Variants in MYRFL observed in about 807,000 individuals in gnomAD.
The protein encoded by MYRFL is myelin regulatory factor-like protein.
MYRFL carries 88 observed loss-of-function variants against 109.4 expected under a neutral mutation model. The observed-to-expected ratio is 0.80, with a 90% CI of 0.68 to 0.96. The LOEUF (loss-of-function observed/expected upper bound fraction) is 0.96. Among genes scored for constraint, MYRFL ranks in the 40% least tolerant of loss-of-function variants. MYRFL has a pLI of 0.00. For missense variants in MYRFL, 957 were observed against 954.9 expected, an observed-to-expected ratio of 1.00 and a Z score of -0.03; for synonymous variants, 324 against 320.9, an observed-to-expected ratio of 1.01 and a Z score of -0.10.
chr12:69,876,290 A>G (rs1885655978), intron 2 of MYRFL, among the ~76,000 whole-genome samples: 1 of 152,222 alleles, frequency 6.6e-6, no homozygotes. Context: ...ACTGTATGGC[A>G]GTACCTTCTC....
At chr12:69,952,026 C>A in intron 19 of MYRFL, 87 bp from the exon 20 acceptor site, 1 of 1,109,218 alleles carries the variant, frequency 9.0e-7, no homozygotes, top group Non-Finnish European at 1.3e-6. Context: ...GAACACTCAA[C>A]TCACAGAGAT....
In MYRFL at chr12:69,852,903, G is replaced by A. The variant is rs367666094; in HGVS notation, c.47-2377G>A. Among the ~76,000 whole-genome samples, 1,373 of 152,046 alleles carry A rather than the reference G, an allele frequency of 9.0e-3. 22 individuals are homozygous for A. Among genetic ancestry groups the A allele is most frequent in the African/African-American group, 0.031 (1,291 of 41,462 alleles). On this transcript the variant is annotated intron_variant, in intron 1 of 24. Coordinates refer to ENST00000552032, the MANE Select transcript of MYRFL (RefSeq NM_182530.3). ...ATGTTTCAGAGAGCACGGGGTTGGG[G>A]GTAAGGTTATAGATTAACAGCATCC...
At chr12:69,945,020 A>G (rs1955789770) in intron 19 of MYRFL, among the ~76,000 whole-genome samples, 1 of 152,128 alleles carries the variant, frequency 6.6e-6, no homozygotes. Flanking sequence ...TAAAATGTGA[A>G]AAAAAATTAA....
intron 2 of MYRFL, among the ~76,000 whole-genome samples, chr12:69,869,940 T>A (rs1285405261): frequency 1.3e-5 from 2 of 152,164 alleles, no homozygotes; most frequent in Non-Finnish European, 2.9e-5. Context: ...GTCTATTTTG[T>A]ACGCCCTCTT....
In MYRFL at chr12:69,932,567, G is replaced by A; in HGVS notation, c.1885G>A (p.Val629Ile). The change falls in exon 16 of 25, where the codon GTT becomes ATT. Residue 629 changes from valine to isoleucine, a missense_variant. Transcript: ENST00000552032. ...ACPNWVFQTL[V>I]ITLIAVMAFC... ...TCCTAATTGGGTTTTCCAGACCTTG[G>A]TTATAACTCTGATTGCTGTGATGGC... 19 of 1,536,024 alleles carry A rather than the reference G, an allele frequency of 1.2e-5. No individual in the cohort carries two copies. In the Middle Eastern group the frequency reaches 5.0e-4, roughly 40 times the overall value.
At chr12:69,858,836 A>G (rs1884457162) in intron 2 of MYRFL, among the ~76,000 whole-genome samples, 1 of 151,666 alleles carries the variant, frequency 6.6e-6, no homozygotes, top group South Asian at 2.1e-4. Context: ...TTTCAATTTC[A>G]CTGACTTCTA....
intron 15 of MYRFL, among the ~76,000 whole-genome samples, chr12:69,929,163 T>TAAG (rs1955191692): frequency 6.6e-6 from 1 of 152,094 alleles, no homozygotes. Flanking sequence ...TAAAAAACAT[T>TAAG]AAGTGGCTCA....
In MYRFL at chr12:69,926,709, T is replaced by C. The variant is rs757738314; in HGVS notation, c.1741T>C (p.Ser581Pro). The part of the protein sequence containing the change: ...RLKRLSSWKS[S>P]ASEASTISKS... ...AAAGCGGCTCAGTAGTTGGAAGTCATCAGCCAGTGAAGCAAGCACAATCAG... is the reference window on the plus strand; with the variant it reads ...AAAGCGGCTCAGTAGTTGGAAGTCACCAGCCAGTGAAGCAAGCACAATCAG... Residue 581 changes from serine to proline, a missense_variant, in exon 14 of 25, where the codon TCA (serine) becomes CCA (proline). Transcript: ENST00000552032. The C allele has an allele frequency of 2.9e-5, 43 of 1,505,870 alleles. No homozygotes were observed. The South Asian group carries it at 5.3e-4, about 19-fold the overall frequency. 93.3% of individuals were successfully genotyped at this position (1,505,870 alleles called of 1,614,324 possible). A position where few individuals can be genotyped will look rare whatever the true frequency, so the allele number is the denominator to read the frequency against.
At chr12:69,884,621 G>T (rs2136335029) in intron 5 of MYRFL, among the ~76,000 whole-genome samples, 1 of 152,310 alleles carries the variant, frequency 6.6e-6, no homozygotes, top group African/African-American at 2.4e-5. Flanking sequence ...CCAGTATTCA[G>T]TCAGGAACAT....
In MYRFL at chr12:69,936,449, G is replaced by A; in HGVS notation, c.2045-4G>A. ...TCCCCTCCCCCCTGCCCAATGCCTT[G>A]CAGCACCTAATACATCCCTGGTAAC... On this transcript the variant is annotated splice_polypyrimidine_tract_variant and splice_region_variant and intron_variant, in intron 18 of 24. Transcript: ENST00000552032. 2.0e-6 allele frequency: 3 copies of A among 1,533,912 alleles called. No individual in the cohort carries two copies. The highest frequency in any genetic ancestry group is 2.6e-6 in the Non-Finnish European group (3 of 1,145,600).
chr12:69,952,152 G>A lies in MYRFL; in HGVS notation c.2264G>A (p.Ser755Asn). Reference protein sequence around the residue: ...SKSVLARNALSGPDWESDWID... With the variant: ...SKSVLARNALNGPDWESDWID... ...TCAGTTTTGGCAAGAAATGCACTCA[G>A]CGGCCCTGACTGGGAGAGTGACTGT... Residue 755 changes from serine to asparagine, a missense_variant, in exon 20 of 25, where the codon AGC becomes AAC. Physicochemically the swap from Ser to Asn is conservative, Grantham distance 46 (BLOSUM62 1). Coordinates refer to ENST00000552032, the MANE Select transcript of MYRFL (RefSeq NM_182530.3). 1 of 1,536,100 alleles carries A rather than the reference G, an allele frequency of 6.5e-7. No homozygotes were observed. The highest frequency in any genetic ancestry group is 8.7e-7 in the Non-Finnish European group (1 of 1,146,902).
intron 11 of MYRFL, among the ~76,000 whole-genome samples, chr12:69,907,842 A>G (rs1253366644): frequency 1.3e-5 from 2 of 152,216 alleles, no homozygotes. Flanking sequence ...ATCATCTGGC[A>G]CATAGTAGCT....
intron 4 of MYRFL, among the ~76,000 whole-genome samples, 194 bp from the exon 5 acceptor site, chr12:69,880,007 G>A (rs1181123370): frequency 6.6e-6 from 1 of 152,120 alleles, no homozygotes; most frequent in Non-Finnish European, 1.5e-5. Context: ...AACATTGTCA[G>A]CTTATCTTTC....
At chr12:69,861,112 G>A (rs1884634219) in intron 2 of MYRFL, among the ~76,000 whole-genome samples, 1 of 150,524 alleles carries the variant, frequency 6.6e-6, no homozygotes, top group Non-Finnish European at 1.5e-5. Context: ...ATTCCATGGT[G>A]TATATGTGCC....
chr12:69,906,942 T>C (rs904188102), intron 11 of MYRFL, among the ~76,000 whole-genome samples: 2 of 152,212 alleles, frequency 1.3e-5, no homozygotes, highest in Non-Finnish European at 2.9e-5. Flanking sequence ...GCATCCATGG[T>C]CAAAACTTTC....
intron 14 of MYRFL, among the ~76,000 whole-genome samples, chr12:69,927,424 T>A (rs1243225756): frequency 6.6e-6 from 1 of 151,850 alleles, no homozygotes; most frequent in African/African-American, 2.4e-5. Context: ...ATTTTTTTTT[T>A]AATTGCTTAA....
At chr12:69,837,944 C>T (rs771823218) in intron 1 of MYRFL, among the ~76,000 whole-genome samples, 1 of 152,148 alleles carries the variant, frequency 6.6e-6, no homozygotes, top group Admixed American at 6.5e-5. Flanking sequence ...GGGACTGGTA[C>T]ATAGCAGTCA....
In MYRFL at chr12:69,842,747, A is replaced by T. The variant is rs139473145; in HGVS notation, c.47-12533A>T. The stretch of plus-strand genomic sequence containing the variant: ...CTAGGATGTTTATCATCTTTTACCT[A>T]GTGAATCCCTACTTAACCTTAAAAA... On this transcript the variant is annotated intron_variant, in intron 1 of 24. Coordinates refer to ENST00000552032, the MANE Select transcript of MYRFL (RefSeq NM_182530.3). 6.7e-4 allele frequency among the ~76,000 whole-genome samples: 102 copies of T among 152,268 alleles called. 1 individual carries two copies. The highest frequency in any genetic ancestry group is 3.4e-3 in the Middle Eastern group (1 of 294).
chr12:69,955,972 G>A (rs1956084911), intron 22 of MYRFL, among the ~76,000 whole-genome samples: 1 of 151,936 alleles, frequency 6.6e-6, no homozygotes, highest in Non-Finnish European at 1.5e-5. Context: ...TTCTTTATCT[G>A]TAATATAAGT....
Sources: allele counts gnomAD v4.1 joint callset (sites outside exome capture counted in the v4.1 genomes callset), GRCh38; gene constraint gnomAD v4.1.1; transcripts MANE v1.5; gene names NCBI Gene and HGNC (gene_info 2026-07-23, HGNC 2026-07-21).